HPS1: variants seen among roughly 807,000 people sequenced by gnomAD.
The protein encoded by HPS1 is HPS1 biogenesis of lysosomal organelles complex 3 subunit 1, also known as BLOC-3 complex member HPS1.
A neutral mutation model predicts 90.6 loss-of-function variants in HPS1; 59 were observed. The observed-to-expected ratio is 0.65, with a 90% CI of 0.53 to 0.81. HPS1 has a LOEUF of 0.81. Ranked by LOEUF, HPS1 falls within the 30% of genes least tolerant of loss-of-function variation. The pLI, the probability that HPS1 is intolerant of heterozygous loss-of-function variation, is 0.00. For missense variants in HPS1, 849 were observed against 896.7 expected (o/e 0.95, Z 0.68); for synonymous variants, 388 against 384.4 (o/e 1.01, Z -0.11).
In HPS1 at chr10:98,418,255, C is replaced by T. The variant is rs376722018; in HGVS notation, c.1860G>A (p.Gly620=). ...GCACCTCGATCATCTGGAGTTTGTA[C>T]CCCTGAGGAGGGAGGACAGGGAGGC... is the stretch of plus-strand genomic sequence containing the variant. ...SYFLWFENDM[G]YKLQMIEVPV... The change falls in exon 19 of 20, where the codon GGG becomes GGA. Residue 620 remains glycine (G), a splice_region_variant and synonymous_variant. Coordinates refer to ENST00000361490, the MANE Select transcript of HPS1 (RefSeq NM_000195.5). The T allele has an allele frequency of 1.3e-5, 21 of 1,602,360 alleles. 1 individual carries two copies. In the African/African-American group the frequency reaches 2.3e-4, roughly 17 times the overall value.
intron 3 of HPS1, chr10:98,442,819 T>C: frequency 2.5e-6 from 1 of 403,096 alleles, no homozygotes; most frequent in South Asian, 2.2e-5. Context: ...TGTTAAACTT[T>C]TTAGGTTACA....
chr10:98,429,519 T>G (rs745408778), intron 10 of HPS1, 54 bp downstream of exon 10: 2 of 1,613,706 alleles, frequency 1.2e-6, no homozygotes, highest in Non-Finnish European at 1.7e-6. Flanking sequence ...TGTCCTGGGC[T>G]GCCTGTCGCT....
intron 16 of HPS1, among the ~76,000 whole-genome samples, chr10:98,422,944 T>C (rs773880216): frequency 2.0e-5 from 3 of 152,176 alleles, no homozygotes; most frequent in African/African-American, 2.4e-5. Flanking sequence ...GGCTCCCATT[T>C]GGGAGGGGAA....
chr10:98,431,298 A>G lies in HPS1; in HGVS notation c.508-7T>C, dbSNP rs2136214542. 1 of 1,613,230 alleles carries G rather than the reference A, an allele frequency of 6.2e-7. No homozygotes were observed. The highest frequency in any genetic ancestry group is 1.1e-5 in the South Asian group (1 of 91,044). ...GAATCAGTCGCTCCAGGGCCTAGCC[A>G]GGGCAGGAAGGGAGAGGAAGCCATA... On this transcript the variant is annotated splice_region_variant and splice_polypyrimidine_tract_variant and intron_variant, in intron 6 of 19. Transcript: ENST00000361490.
chr10:98,435,672 G>C lies in HPS1; in HGVS notation c.218C>G (p.Ser73Cys). 1 of 1,614,208 alleles carries C rather than the reference G, an allele frequency of 6.2e-7. No homozygotes were observed. Among genetic ancestry groups the C allele is most frequent in the Non-Finnish European group, 8.5e-7 (1 of 1,180,040 alleles). ...EKLSDTYTCF[S>C]TENGNFLYVL... ...ATACAGGAAGTTGCCATTTTCCGTGGAGAAGCAGGTGTAGGTGTCCGAGAG... is the reference window on the plus strand; with the variant it reads ...ATACAGGAAGTTGCCATTTTCCGTGCAGAAGCAGGTGTAGGTGTCCGAGAG... The change falls in exon 4 of 20, where the codon TCC becomes TGC. Residue 73 changes from serine to cysteine, a missense_variant. Physicochemically the swap from Ser to Cys is moderately radical, Grantham distance 112 (BLOSUM62 -1). Transcript: ENST00000361490. The surrounding 1 kb of genome is among the most constrained non-coding windows in gnomAD (Gnocchi z 4.3).
At chr10:98,414,018 A>C (rs1843878270), downstream of HPS1, 1 of 152,052 alleles carries the variant, frequency 6.6e-6, no homozygotes, top group Non-Finnish European at 1.5e-5. Context: ...AATATTTAAA[A>C]TAAGCATGTG....
chr10:98,434,624 C>T lies in HPS1; in HGVS notation c.399-533G>A, dbSNP rs1295631155. On this transcript the variant is annotated intron_variant, in intron 5 of 19. Transcript: ENST00000361490. ...CAATATGGGTAGTTGCTCATATCGCCACAAAACTAAAGTCCCAGAGCTTCA... is the reference window on the plus strand; with the variant it reads ...CAATATGGGTAGTTGCTCATATCGCTACAAAACTAAAGTCCCAGAGCTTCA... Among the ~76,000 whole-genome samples, 6 of 151,958 alleles carry T rather than the reference C, an allele frequency of 3.9e-5. No individual in the cohort carries two copies. In the East Asian group the frequency reaches 1.2e-3, roughly 29 times the overall value.
chr10:98,431,008 G>A, intron 7 of HPS1, 123 bp downstream of exon 7: 1 of 994,786 alleles, frequency 1.0e-6, no homozygotes, highest in Non-Finnish European at 1.6e-6. Context: ...AATCTGGGAA[G>A]GTTTCAGGCT....
downstream of HPS1, chr10:98,414,850 G>A (rs1015099599): frequency 1.1e-5 from 12 of 1,132,556 alleles, no homozygotes; most frequent in African/African-American, 1.7e-4. Context: ...AGATGGAAGG[G>A]CTTTCCATTG....
At chr10:98,432,795 G>A (rs4919226) in intron 6 of HPS1, among the ~76,000 whole-genome samples, 90,101 of 152,052 alleles carry the variant, frequency 0.59, 27,160 homozygotes, top group South Asian at 0.74. Context: ...ACTCTCACTC[G>A]TGGTGGCTTA....
chr10:98,440,716 T>C (rs955934240), intron 3 of HPS1, among the ~76,000 whole-genome samples: 1 of 151,504 alleles, frequency 6.6e-6, no homozygotes, highest in Non-Finnish European at 1.5e-5. Flanking sequence ...AAAGAATGTG[T>C]TGCACATTAA....
In HPS1 at chr10:98,435,856, CA is replaced by C; in HGVS notation, c.118-85del. The C allele has an allele frequency of 2.5e-6, 4 of 1,571,372 alleles. No homozygotes were observed. Among genetic ancestry groups the C allele is most frequent in the Non-Finnish European group, 3.5e-6 (4 of 1,144,264 alleles). Reference sequence around the variant, plus strand: ...AAGGGACAAGATCAGGCCTTGATATCAAGGGTTCCATAGTGTTAGACCCTCC... The same window carrying C: ...AAGGGACAAGATCAGGCCTTGATATCAGGGTTCCATAGTGTTAGACCCTCC... On this transcript the variant is annotated intron_variant, in intron 3 of 19. Transcript: ENST00000361490. The surrounding 1 kb of genome is among the most constrained non-coding windows in gnomAD (Gnocchi z 4.3).
Position 98,417,801 on chromosome 10 carries a change from C to T in HPS1, c.1941-75G>A. ...TCCAGCGCCAGAGGCCTCTCTGGGC[C>T]CTCGCAAGCAAATGCCCATGCCCTC... On this transcript the variant is annotated intron_variant, in intron 19 of 19. Transcript: ENST00000361490. The surrounding 1 kb of genome is among the most constrained non-coding windows in gnomAD (Gnocchi z 4.2). 9.8e-6 allele frequency: 14 copies of T among 1,432,862 alleles called. No individual in the cohort carries two copies. The highest frequency in any genetic ancestry group is 1.3e-5 in the Non-Finnish European group (13 of 1,020,560). 88.8% of individuals were successfully genotyped at this position (1,432,862 alleles called of 1,614,324 possible).
In HPS1 at chr10:98,435,087, C is replaced by G. The variant is rs978670535; in HGVS notation, c.398+185G>C. On this transcript the variant is annotated intron_variant, in intron 5 of 19. Coordinates refer to ENST00000361490, the MANE Select transcript of HPS1 (RefSeq NM_000195.5). The surrounding 1 kb of genome is among the most constrained non-coding windows in gnomAD (Gnocchi z 4.3). ...AGTTCCATTCTCTGCTCTGTTTCACCAGATATAAAGTCAGAGGGTCAGACC... is the reference window on the plus strand; with the variant it reads ...AGTTCCATTCTCTGCTCTGTTTCACGAGATATAAAGTCAGAGGGTCAGACC... 1.5e-6 allele frequency: 1 copy of G among 661,922 alleles called. No individual in the cohort carries two copies. Among genetic ancestry groups the G allele is most frequent in the Non-Finnish European group, 2.6e-6 (1 of 382,786 alleles). 41.0% of individuals were successfully genotyped at this position (661,922 alleles called of 1,614,324 possible). A position where few individuals can be genotyped will look rare whatever the true frequency, so the allele number is the denominator to read the frequency against.
Position 98,417,424 on chromosome 10 carries a change from A to G in HPS1, c.*140T>C. The G allele has an allele frequency of 1.5e-6, 1 of 688,428 alleles. No homozygotes were observed. The highest frequency in any genetic ancestry group is 2.4e-6 in the Non-Finnish European group (1 of 418,894). 42.6% of individuals were successfully genotyped at this position (688,428 alleles called of 1,614,324 possible). On this transcript the variant is annotated 3_prime_UTR_variant, in exon 20 of 20. Coordinates refer to ENST00000361490, the MANE Select transcript of HPS1 (RefSeq NM_000195.5). This position sits in a 1 kb window ranked among gnomAD's most constrained non-coding sequence, Gnocchi z 4.2. ...TGGAGGGTGGTCTAGGTGGGGTTTT[A>G]GAAGCCCTGGGGCCACCCTGGGCAC...
chr10:98,429,417 G>C, intron 10 of HPS1, 156 bp downstream of exon 10: 1 of 1,541,344 alleles, frequency 6.5e-7, no homozygotes. Flanking sequence ...AGGGAAGATG[G>C]GGAGCCGCAG....
At position 98,425,993 on chromosome 10, in the gene HPS1, G is replaced by A; in HGVS notation, c.988-8C>T. On this transcript the variant is annotated splice_polypyrimidine_tract_variant and splice_region_variant and intron_variant, in intron 11 of 19. Transcript: ENST00000361490. Reference sequence around the variant, plus strand: ...GAGGGTGTCCTCTGCTATCTACAGAGGAAGAAGAGCTGCAGTGAGAGGTGG... The same window carrying A: ...GAGGGTGTCCTCTGCTATCTACAGAAGAAGAAGAGCTGCAGTGAGAGGTGG... 6.2e-7 allele frequency: 1 copy of A among 1,613,730 alleles called. No individual in the cohort carries two copies. The highest frequency in any genetic ancestry group is 8.5e-7 in the Non-Finnish European group (1 of 1,179,812).
In HPS1 at chr10:98,425,740, G is replaced by A. The variant is rs1845519709; in HGVS notation, c.1156-20C>T. On this transcript the variant is annotated intron_variant, in intron 12 of 19. Coordinates refer to ENST00000361490, the MANE Select transcript of HPS1 (RefSeq NM_000195.5). ...GGGGCTCTGAGGGTAAGGGCCGAGA[G>A]GCGGGTGAACGGGGCTGCCCCTGGG... 8 of 1,603,338 alleles carry A rather than the reference G, an allele frequency of 5.0e-6. No homozygotes were observed. In the African/African-American group the frequency reaches 1.1e-4, roughly 21 times the overall value.
chr10:98,446,187 G>C (rs540693383), intron 1 of HPS1, among the ~76,000 whole-genome samples: 2 of 152,270 alleles, frequency 1.3e-5, no homozygotes, highest in South Asian at 4.2e-4. Context: ...CTGCTGTTAC[G>C]AGTTCGGCCT....
Sources: allele counts gnomAD v4.1 joint callset (sites outside exome capture counted in the v4.1 genomes callset), GRCh38; gene constraint gnomAD v4.1.1; non-coding constraint Gnocchi (gnomAD v3.1); transcripts MANE v1.5; gene names NCBI Gene and HGNC (gene_info 2026-07-23, HGNC 2026-07-21).